Variants in DZIP1 observed in about 807,000 individuals in gnomAD.
DZIP1 encodes cilium assembly protein DZIP1.
In DZIP1, 97 loss-of-function variants were observed where a neutral mutation model predicts 107.6. The ratio of observed to expected loss-of-function variants is 0.90; its 90% confidence interval spans 0.77 to 1.07. The LOEUF (loss-of-function observed/expected upper bound fraction) is 1.07, where lower values mean the gene tolerates loss of function less well. DZIP1 is among the 50% of genes least tolerant of loss of function. DZIP1 has a pLI of 0.00. For synonymous variants in DZIP1, 390 were observed against 386.4 expected, an observed-to-expected ratio of 1.01 and a Z score of -0.11; for missense variants, 1,035 against 1,063.6, an observed-to-expected ratio of 0.97 and a Z score of 0.37.
chr13:95,621,605 C>A (rs1594713447), intron 9 of DZIP1, among the ~76,000 whole-genome samples: 1 of 151,824 alleles, frequency 6.6e-6, no homozygotes, highest in African/African-American at 2.4e-5. Context: ...ACCGCTGTCA[C>A]TTCCAAATGA....
chr13:95,639,710 TGTATGTTAGAG>T (rs1000233710), intron 5 of DZIP1, among the ~76,000 whole-genome samples: 3 of 151,962 alleles, frequency 2.0e-5, no homozygotes, highest in African/African-American at 7.2e-5. Context: ...ATACAATTTC[TGTATGTTAGAG>T]GTTTTAACAT....
chr13:95,625,874 A>G (rs994769643), intron 7 of DZIP1, among the ~76,000 whole-genome samples: 1 of 152,106 alleles, frequency 6.6e-6, no homozygotes, highest in Non-Finnish European at 1.5e-5. Context: ...TGTAGTCCCA[A>G]CAGTTTGGGA....
intron 10 of DZIP1, 101 bp from the exon 11 acceptor site, chr13:95,612,278 G>A (rs997944970): frequency 1.9e-5 from 25 of 1,326,636 alleles, no homozygotes; most frequent in South Asian, 2.8e-5. Flanking sequence ...TTGCTAGCCT[G>A]ATGCTATCCG....
At chr13:95,591,563 C>A (rs1791236705) in intron 16 of DZIP1, among the ~76,000 whole-genome samples, 1 of 152,148 alleles carries the variant, frequency 6.6e-6, no homozygotes, top group African/African-American at 2.4e-5. Context: ...ACAGAAATCT[C>A]CATCATCAAA....
intron 21 of DZIP1, 117 bp from the exon 22 acceptor site, chr13:95,585,027 C>T (rs932638676): frequency 7.1e-6 from 5 of 699,814 alleles, no homozygotes; most frequent in Non-Finnish European, 6.7e-6. Context: ...AAGTGGGGAA[C>T]TATTAATACT....
chr13:95,614,267 C>T (rs999669569), intron 10 of DZIP1, among the ~76,000 whole-genome samples: 9 of 151,988 alleles, frequency 5.9e-5, no homozygotes, highest in Non-Finnish European at 1.0e-4. Context: ...TAAAAAGAAT[C>T]TTTCCTTTCC....
intron 17 of DZIP1, 122 bp downstream of exon 17, chr13:95,590,157 C>T (rs917497093): frequency 5.4e-5 from 60 of 1,114,260 alleles, no homozygotes; most frequent in Admixed American, 2.7e-5. Flanking sequence ...AGTGAAGTGG[C>T]GAAGTTTGTT....
In DZIP1 at chr13:95,578,485, G is replaced by A. The variant is rs2043969749; in HGVS notation, c.*3749C>T. On this transcript the variant is annotated 3_prime_UTR_variant, in exon 23 of 23. Transcript: ENST00000376829. ...ATAGACATGTTACTGGCTGCACACAGGCAAATTCTAGTTTGTTTTTTTTAA... is the reference window on the plus strand; with the variant it reads ...ATAGACATGTTACTGGCTGCACACAAGCAAATTCTAGTTTGTTTTTTTTAA... 1.3e-5 allele frequency: 2 copies of A among 152,260 alleles called. No individual in the cohort carries two copies. The highest frequency in any genetic ancestry group is 2.9e-5 in the Non-Finnish European group (2 of 68,078). The allele number at this position is 152,260 out of a possible 1,614,324, so 9.4% of individuals were successfully genotyped here.
At position 95,642,026 on chromosome 13, in the gene DZIP1, G is replaced by A. The variant is rs758239362; in HGVS notation, c.4C>T (p.Gln2Ter). The change falls in exon 4 of 23, where the codon CAA becomes TAA. Residue 2 changes from glutamine (Q) to a stop codon, truncating the protein, a stop_gained. Transcript: ENST00000376829. LOFTEE classifies it high-confidence loss of function. The part of the protein sequence containing the change: M[Q>*]AEAADWFSSM... ...GAAAACCAATCCGCTGCCTCAGCTT[G>A]CATAGGAGGAGCCGGGCGGTCTTTA... is the stretch of plus-strand genomic sequence containing the variant. The A allele has an allele frequency of 1.3e-6, 2 of 1,574,172 alleles. No homozygotes were observed. The highest frequency in any genetic ancestry group is 8.6e-7 in the Non-Finnish European group (1 of 1,165,576).
chr13:95,621,700 G>GTGTGTGTT (rs1875877537), intron 9 of DZIP1, among the ~76,000 whole-genome samples: 1 of 149,862 alleles, frequency 6.7e-6, no homozygotes, highest in Non-Finnish European at 1.5e-5. Context: ...GTGTGTGTGT[G>GTGTGTGTT]TGTGTGTGTG....
intron 6 of DZIP1, among the ~76,000 whole-genome samples, chr13:95,631,680 G>A (rs1877215003): frequency 1.3e-5 from 2 of 151,980 alleles, no homozygotes; most frequent in Admixed American, 6.5e-5. Context: ...TGTCGGTGGT[G>A]CACACCCAAA....
In DZIP1 at chr13:95,630,222, G is replaced by A. The variant is rs1402502782; in HGVS notation, c.686-109C>T. ...ACGAAGGAAACTGTCCTCTTACTTGGGATACGATTACTTGTTTCATGCCAC... is the reference window on the plus strand; with the variant it reads ...ACGAAGGAAACTGTCCTCTTACTTGAGATACGATTACTTGTTTCATGCCAC... On this transcript the variant is annotated intron_variant, in intron 6 of 22. Transcript: ENST00000376829. 4.4e-6 allele frequency: 6 copies of A among 1,352,026 alleles called. No homozygotes were observed. The East Asian group carries it at 1.6e-4, about 35-fold the overall frequency. 83.8% of individuals were successfully genotyped at this position (1,352,026 alleles called of 1,614,324 possible). A position where few individuals can be genotyped will look rare whatever the true frequency, so the allele number is the denominator to read the frequency against.
At chr13:95,633,760 G>T (rs1594737690) in intron 5 of DZIP1, among the ~76,000 whole-genome samples, 1 of 150,714 alleles carries the variant, frequency 6.6e-6, no homozygotes, top group East Asian at 2.0e-4. Flanking sequence ...TACCATCCTA[G>T]CAAGAGATAC....
At chr13:95,598,543 A>T (rs1190407771) in intron 15 of DZIP1, among the ~76,000 whole-genome samples, 1 of 152,150 alleles carries the variant, frequency 6.6e-6, no homozygotes, top group Non-Finnish European at 1.5e-5. Context: ...TACTGAATTT[A>T]TATATTAGGA....
intron 6 of DZIP1, 87 bp from the exon 7 acceptor site, chr13:95,630,200 A>T: frequency 7.0e-7 from 1 of 1,430,270 alleles, no homozygotes; most frequent in Admixed American, 2.5e-5. Context: ...TGATAACACG[A>T]AGGAAACTGT....
At chr13:95,629,084 T>C (rs1876890838) in intron 7 of DZIP1, among the ~76,000 whole-genome samples, 1 of 152,202 alleles carries the variant, frequency 6.6e-6, no homozygotes, top group Non-Finnish European at 1.5e-5. Flanking sequence ...CTGTCAATGA[T>C]TCTGTGAAAT....
At chr13:95,627,873 G>T (rs1395583063) in intron 7 of DZIP1, among the ~76,000 whole-genome samples, 1 of 152,150 alleles carries the variant, frequency 6.6e-6, no homozygotes. Context: ...GCCAAAAGGT[G>T]AAAATGAATC....
intron 14 of DZIP1, among the ~76,000 whole-genome samples, chr13:95,604,367 G>C (rs1454574011): frequency 6.6e-6 from 1 of 152,248 alleles, no homozygotes; most frequent in Non-Finnish European, 1.5e-5. Flanking sequence ...GGCCTGACGG[G>C]GTGGGGGACG....
chr13:95,609,344 C>G, intron 13 of DZIP1, 113 bp downstream of exon 13: 4 of 628,680 alleles, frequency 6.4e-6, no homozygotes, highest in Non-Finnish European at 9.9e-6. Context: ...TATGTGATCT[C>G]TAAATACATT....
Sources: gnomAD v4.1 joint callset for allele counts (sites outside exome capture counted in the v4.1 genomes callset) on GRCh38, gnomAD v4.1.1 for gene constraint, MANE v1.5 for transcripts, NCBI Gene and HGNC (gene_info 2026-07-23, HGNC 2026-07-21) for gene names.